The following GRK1 variants were observed in gnomAD, a reference collection of about 807,000 sequenced individuals.
The protein encoded by GRK1 is G protein-coupled receptor kinase 1.
GRK1 carries 28 observed loss-of-function variants against 41.7 expected under a neutral mutation model. The ratio of observed to expected loss-of-function variants is 0.67; its 90% confidence interval spans 0.50 to 0.92. The LOEUF is 0.92. GRK1 is among the 40% of genes least tolerant of loss of function. The pLI is 0.00. For synonymous variants in GRK1, 327 were observed against 286.7 expected (o/e 1.14, Z -1.42); for missense variants, 703 against 671.2 (o/e 1.05, Z -0.52).
the GRK1 span, among the ~76,000 whole-genome samples, chr13:113,658,432 C>T: frequency 6.6e-6 from 1 of 152,234 alleles, no homozygotes; most frequent in Admixed American, 6.5e-5. Flanking sequence ...GCTCTGATTG[C>T]GGTGAGGGCA....
rs551653490 is a variant in GRK1 at position 113,732,588 on chromosome 13, G to A, written c.1195-296G>A. 3.9e-5 allele frequency among the ~76,000 whole-genome samples: 6 copies of A among 152,340 alleles called. No individual in the cohort carries two copies. The South Asian group carries it at 6.2e-4, about 16-fold the overall frequency. On this transcript the variant is annotated intron_variant, in intron 5 of 6. Transcript: ENST00000335678. ...GAGGCTGCTTCTCAGCTGGGCCCGC[G>A]CTGGCCTTCAGTTTCCTATCTTTCC...
chr13:113,733,747 ACATGTGTGTG>A (rs2049965127), intron 6 of GRK1, among the ~76,000 whole-genome samples: 1 of 96,178 alleles, frequency 1.0e-5, no homozygotes, highest in African/African-American at 3.9e-5. Flanking sequence ...ATGTGTGCAT[ACATGTGTGTG>A]CGTGTGTATG....
rs746695317 is a variant in GRK1 at position 113,735,241 on chromosome 13, G to A, written c.1570G>A (p.Glu524Lys). Reference sequence around the variant, plus strand: ...CATCCCCTGGCAGGAGGAGATGATCGAGACGGGCATCTTTGGCGAGCTGAA... The same window carrying A: ...CATCCCCTGGCAGGAGGAGATGATCAAGACGGGCATCTTTGGCGAGCTGAA... ...CPIPWQEEMI[E>K]TGIFGELNVW... The change falls in exon 7 of 7, where the codon GAG becomes AAG. Residue 524 changes from glutamate (E) to lysine (K), a missense_variant. Glu to Lys is a moderately conservative substitution (Grantham distance 56). Transcript: ENST00000335678. The A allele has an allele frequency of 7.9e-5, 122 of 1,537,138 alleles. 1 individual carries two copies. Among genetic ancestry groups the A allele is most frequent in the South Asian group, 2.7e-4 (23 of 84,058 alleles).
At chr13:113,655,195 G>A in the GRK1 span, among the ~76,000 whole-genome samples, 5 of 152,280 alleles carry the variant, frequency 3.3e-5, 1 homozygote, top group East Asian at 5.8e-4. Context: ...CCTGCGACCC[G>A]AGGCAGTTGC....
chr13:113,658,310 G>T, the GRK1 span: 1 of 660,934 alleles, frequency 1.5e-6, no homozygotes, highest in East Asian at 2.8e-5. Flanking sequence ...GCCGGCCATC[G>T]CCTCACCAAA....
chr13:113,731,156 C>T lies in GRK1; in HGVS notation c.1070-63C>T, dbSNP rs543653941. 6 of 1,514,580 alleles carry T rather than the reference C, an allele frequency of 4.0e-6. No homozygotes were observed. In the South Asian group the frequency reaches 7.3e-5, roughly 19 times the overall value. 93.8% of individuals were successfully genotyped at this position (1,514,580 alleles called of 1,614,324 possible). ...TCCCCAGAGCATCAGTCCTGCGATT[C>T]CTGGAGTGCGTGCCCACCATGGAGG... On this transcript the variant is annotated intron_variant, in intron 4 of 6. Transcript: ENST00000335678. The surrounding 1 kb of genome is among the most constrained non-coding windows in gnomAD (Gnocchi z 5.6).
chr13:113,653,241 C>T, the GRK1 span: 247 of 1,350,048 alleles, frequency 1.8e-4, 3 homozygotes, highest in Admixed American at 3.8e-3. Flanking sequence ...ACCCACCCGC[C>T]GCTTCACACC....
intron 4 of GRK1, among the ~76,000 whole-genome samples, chr13:113,723,563 T>C (rs2049870072): frequency 6.6e-6 from 1 of 152,168 alleles, no homozygotes; most frequent in Admixed American, 6.5e-5. Flanking sequence ...GACAAATGGT[T>C]ACATTCTTTT....
At chr13:113,662,767 C>T (rs2049797251), upstream of GRK1, among the ~76,000 whole-genome samples, 1 of 152,026 alleles carries the variant, frequency 6.6e-6, no homozygotes, top group African/African-American at 2.4e-5. Context: ...CATGCTGAAA[C>T]CCATGTAATA....
chr13:113,650,331 T>G, the GRK1 span: 5 of 1,384,340 alleles, frequency 3.6e-6, no homozygotes, highest in Non-Finnish European at 5.1e-6. This position sits in a 1 kb window ranked among gnomAD's most constrained non-coding sequence, Gnocchi z 5.0. Flanking sequence ...ATGAAGGGGC[T>G]TATTGCTTTC....
intron 1 of GRK1, among the ~76,000 whole-genome samples, chr13:113,668,969 C>G (rs565406190): frequency 6.6e-6 from 1 of 152,262 alleles, no homozygotes; most frequent in Non-Finnish European, 1.5e-5. Flanking sequence ...CCGTGGAACT[C>G]GGGGCGAGTA....
intron 6 of GRK1, among the ~76,000 whole-genome samples, chr13:113,733,722 TGTGC>T (rs1385901400): frequency 2.9e-5 from 4 of 135,906 alleles, no homozygotes; most frequent in Admixed American, 7.3e-5. Flanking sequence ...CGCACGTGTG[TGTGC>T]GCGCGTGTGT....
chr13:113,732,866 C>G lies in GRK1; in HGVS notation c.1195-18C>G, dbSNP rs1007039914. The G allele has an allele frequency of 1.6e-5, 24 of 1,534,608 alleles. No individual in the cohort carries two copies. The highest frequency in any genetic ancestry group is 2.0e-5 in the Non-Finnish European group (23 of 1,146,294). On this transcript the variant is annotated intron_variant, in intron 5 of 6. Transcript: ENST00000335678. ...AGAGGCGGGTCTGGCAGGGCTAAGG[C>G]TACGCGTGTCCCCACAGGTGGAGAA... is the stretch of plus-strand genomic sequence containing the variant.
At chr13:113,733,716 CGT>C (rs201369218) in intron 6 of GRK1, among the ~76,000 whole-genome samples, 5,862 of 94,630 alleles carry the variant, frequency 0.062, 495 homozygotes, top group African/African-American at 0.2. Context: ...TGTGTGCGCA[CGT>C]GTGTGTGCGC....
the GRK1 span, chr13:113,653,444 G>A: frequency 6.2e-7 from 1 of 1,609,850 alleles, no homozygotes; most frequent in Non-Finnish European, 8.5e-7. Flanking sequence ...CCTGGAGAGA[G>A]AGACCTTTGT....
chr13:113,655,517 T>G, the GRK1 span, among the ~76,000 whole-genome samples: 1 of 152,248 alleles, frequency 6.6e-6, no homozygotes, highest in South Asian at 2.1e-4. Context: ...TCATCTCATC[T>G]GCTTCTGAGA....
the GRK1 span, among the ~76,000 whole-genome samples, chr13:113,659,447 A>G: frequency 6.6e-6 from 1 of 152,222 alleles, no homozygotes; most frequent in Non-Finnish European, 1.5e-5. Flanking sequence ...ATTTCTTAGA[A>G]GAAACAAAAT....
chr13:113,658,593 G>A, the GRK1 span, among the ~76,000 whole-genome samples: 1 of 152,348 alleles, frequency 6.6e-6, no homozygotes, highest in South Asian at 2.1e-4. Flanking sequence ...CTGGGAGGGC[G>A]TGAGGCAGGC....
In GRK1 at chr13:113,667,267, GCAAGGGCAGGGACGGGCCACAGGC is replaced by G; in HGVS notation, c.-110_-87del. The G allele has an allele frequency of 2.0e-6, 2 of 1,017,616 alleles. No homozygotes were observed. The highest frequency in any genetic ancestry group is 2.8e-6 in the Non-Finnish European group (2 of 715,796). The allele number at this position is 1,017,616 out of a possible 1,614,324, so 63.0% of individuals were successfully genotyped here. A position where few individuals can be genotyped will look rare whatever the true frequency, so the allele number is the denominator to read the frequency against. On this transcript the variant is annotated 5_prime_UTR_variant, in exon 1 of 7. Coordinates refer to ENST00000335678, the MANE Select transcript of GRK1 (RefSeq NM_002929.3). The surrounding 1 kb of genome is among the most constrained non-coding windows in gnomAD (Gnocchi z 7.5). ...AGGGCCAGGGCGTCTCTCTCGTCCA[GCAAGGGCAGGGACGGGCCACAGGC>G]CAAGGGCAGCAGTCAGGCCTGCTCT...
Sources: gnomAD v4.1 joint callset for allele counts (sites outside exome capture counted in the v4.1 genomes callset) on GRCh38, gnomAD v4.1.1 for gene constraint, Gnocchi (gnomAD v3.1) non-coding constraint, MANE v1.5 for transcripts, NCBI Gene and HGNC (gene_info 2026-07-23, HGNC 2026-07-21) for gene names.